The following BPNT1 variants were observed in gnomAD, a reference collection of about 807,000 sequenced individuals.
The protein encoded by BPNT1 is 3'(2'),5'-bisphosphate nucleotidase 1.
BPNT1 carries 28 observed loss-of-function variants against 36.9 expected under a neutral mutation model. The ratio of observed to expected loss-of-function variants is 0.76; its 90% CI spans 0.56 to 1.04. The LOEUF is 1.04. Ranked by LOEUF, BPNT1 falls within the 50% of genes least tolerant of loss-of-function variation. BPNT1 has a pLI of 0.00. For synonymous variants in BPNT1, 119 were observed against 130.9 expected, an observed-to-expected ratio of 0.91 and a Z score of 0.62; for missense variants, 313 against 372.9, an observed-to-expected ratio of 0.84 and a Z score of 1.32.
intron 6 of BPNT1, among the ~76,000 whole-genome samples, chr1:220,064,943 G>A (rs1663404573): frequency 6.6e-6 from 1 of 152,134 alleles, no homozygotes; most frequent in Admixed American, 6.5e-5. Flanking sequence ...GAGTAGCTGG[G>A]ATTATAGGTG....
chr1:220,076,020 ATT>A lies in BPNT1; in HGVS notation c.121-1951_121-1950del, dbSNP rs374769331. Among the ~76,000 whole-genome samples, 77 of 152,246 alleles carry A rather than the reference ATT, an allele frequency of 5.1e-4. 1 individual carries two copies. The highest frequency in any genetic ancestry group is 1.8e-3 in the African/African-American group (73 of 41,548). On this transcript the variant is annotated intron_variant, in intron 2 of 8. Coordinates refer to ENST00000322067, the MANE Select transcript of BPNT1 (RefSeq NM_006085.6). The stretch of plus-strand genomic sequence containing the variant: ...GTGGCATGATGGATGATTTTTGTTT[ATT>A]TTGGCATTTTTCTCCATTTCCTACT...
At chr1:220,074,106 T>C (rs755249048) in intron 2 of BPNT1, 35 bp from the exon 3 acceptor site, 1 of 1,589,160 alleles carries the variant, frequency 6.3e-7, no homozygotes, top group South Asian at 1.1e-5. Context: ...GCAGAGCTAA[T>C]GAAAAATAAG....
intron 1 of BPNT1, among the ~76,000 whole-genome samples, chr1:220,080,999 C>G (rs1383316075): frequency 6.6e-6 from 1 of 152,208 alleles, no homozygotes; most frequent in Non-Finnish European, 1.5e-5. Context: ...GAGTCTCGCT[C>G]TGTCGCCCAG....
At chr1:220,079,260 T>TC (rs1280342439) in intron 2 of BPNT1, among the ~76,000 whole-genome samples, 4 of 151,564 alleles carry the variant, frequency 2.6e-5, no homozygotes, top group Non-Finnish European at 5.9e-5. Context: ...CTTTTTTTTT[T>TC]TTCTTTTTTT....
intron 5 of BPNT1, among the ~76,000 whole-genome samples, chr1:220,068,169 T>C (rs1463568387): frequency 1.3e-5 from 2 of 152,168 alleles, no homozygotes; most frequent in African/African-American, 4.8e-5. Context: ...TTTATCATCA[T>C]CATCATCATT....
Position 220,057,897 on chromosome 1 carries a change from G to A in BPNT1, c.*947C>T. On this transcript the variant is annotated 3_prime_UTR_variant, in exon 9 of 9. Coordinates refer to ENST00000322067, the MANE Select transcript of BPNT1 (RefSeq NM_006085.6). ...TGTGCCCTAAAGAAATCTGGTTTAG[G>A]CCAGGTGCGGTGGCTCACACCTGTA... The A allele has an allele frequency of 2.3e-6, 3 of 1,300,366 alleles. No individual in the cohort carries two copies. Among genetic ancestry groups the A allele is most frequent in the African/African-American group, 1.5e-5 (1 of 65,822 alleles). The allele number at this position is 1,300,366 out of a possible 1,614,324, so 80.6% of individuals were successfully genotyped here. A position where few individuals can be genotyped will look rare whatever the true frequency, so the allele number is the denominator to read the frequency against.
Position 220,057,647 on chromosome 1 carries a change from C to A in BPNT1, c.*1197G>T. The A allele has an allele frequency of 2.9e-6, 1 of 346,582 alleles. No homozygotes were observed. The highest frequency in any genetic ancestry group is 5.7e-6 in the Non-Finnish European group (1 of 174,500). The allele number at this position is 346,582 out of a possible 1,614,324, so 21.5% of individuals were successfully genotyped here. On this transcript the variant is annotated 3_prime_UTR_variant, in exon 9 of 9. Coordinates refer to ENST00000322067, the MANE Select transcript of BPNT1 (RefSeq NM_006085.6). ...CCACAATTAAGCCTTATAATGATGC[C>A]ACAAGAATAAACTAATCCCCAAAGT...
intron 5 of BPNT1, 139 bp downstream of exon 5, chr1:220,069,245 G>T: frequency 1.7e-6 from 1 of 583,456 alleles, no homozygotes; most frequent in Non-Finnish European, 2.8e-6. Context: ...TGATAACCAT[G>T]AGCACAAATA....
At chr1:220,070,185 GAAT>G (rs1182367188) in intron 4 of BPNT1, among the ~76,000 whole-genome samples, 2 of 152,120 alleles carry the variant, frequency 1.3e-5, no homozygotes, top group African/African-American at 4.8e-5. Context: ...AAAGAAAAAT[GAAT>G]AATAAAACTG....
At chr1:220,071,730 C>A (rs1406154551) in intron 4 of BPNT1, among the ~76,000 whole-genome samples, 2 of 152,126 alleles carry the variant, frequency 1.3e-5, no homozygotes, top group African/African-American at 4.8e-5. Flanking sequence ...TCTTGTCACC[C>A]AGACTGGAGT....
intron 1 of BPNT1, among the ~76,000 whole-genome samples, chr1:220,082,448 T>C (rs1001904112): frequency 6.6e-6 from 1 of 151,814 alleles, no homozygotes; most frequent in Non-Finnish European, 1.5e-5. Context: ...CCCAAAGTGC[T>C]GGGATTACAT....
Position 220,069,664 on chromosome 1 carries a change from C to T in BPNT1, c.334-232G>A, listed in dbSNP as rs891029719. On this transcript the variant is annotated intron_variant, in intron 4 of 8. Transcript: ENST00000322067. Reference sequence around the variant, plus strand: ...GATTTAAGAATTTTCAGGCCAAGCACGGTGGCTCACACCTGTAATCCCGCA... The same window carrying T: ...GATTTAAGAATTTTCAGGCCAAGCATGGTGGCTCACACCTGTAATCCCGCA... Among the ~76,000 whole-genome samples, 8 of 152,084 alleles carry T rather than the reference C, an allele frequency of 5.3e-5. No individual in the cohort carries two copies. In the South Asian group the frequency reaches 6.2e-4, roughly 12 times the overall value.
intron 1 of BPNT1, among the ~76,000 whole-genome samples, chr1:220,086,140 A>C (rs986234641): frequency 7.2e-5 from 11 of 152,338 alleles, no homozygotes; most frequent in African/African-American, 2.6e-4. Context: ...ATATGATATA[A>C]AAGTTTGGCT....
intron 8 of BPNT1, 108 bp downstream of exon 8, chr1:220,059,578 G>A (rs1267208069): frequency 1.2e-6 from 1 of 851,994 alleles, no homozygotes; most frequent in East Asian, 2.7e-5. Context: ...CTGCCTTCTA[G>A]CTTTTATATC....
intron 6 of BPNT1, among the ~76,000 whole-genome samples, chr1:220,065,782 T>C (rs1345327813): frequency 7.9e-5 from 12 of 152,226 alleles, no homozygotes; most frequent in Admixed American, 7.9e-4. Flanking sequence ...ATTATGGTGA[T>C]GATGATTATT....
At chr1:220,073,558 C>T (rs971163525) in intron 3 of BPNT1, among the ~76,000 whole-genome samples, 1 of 152,190 alleles carries the variant, frequency 6.6e-6, no homozygotes, top group African/African-American at 2.4e-5. Context: ...TCCCAAAGTG[C>T]TGGTATTACA....
chr1:220,068,332 T>C (rs1185762266), intron 5 of BPNT1, among the ~76,000 whole-genome samples: 1 of 152,004 alleles, frequency 6.6e-6, no homozygotes, highest in East Asian at 2.0e-4. Context: ...TACAGACGTG[T>C]GCCACCAGGC....
intron 6 of BPNT1, among the ~76,000 whole-genome samples, chr1:220,065,865 T>A (rs1663486878): frequency 6.6e-6 from 1 of 152,172 alleles, no homozygotes; most frequent in Admixed American, 6.5e-5. Flanking sequence ...TTTGTGGTAA[T>A]GAATTTTAAG....
intron 1 of BPNT1, among the ~76,000 whole-genome samples, chr1:220,081,645 T>C (rs1288364731): frequency 6.6e-6 from 1 of 152,140 alleles, no homozygotes; most frequent in Non-Finnish European, 1.5e-5. Flanking sequence ...ATTTCCCCAC[T>C]TGCTGAGACA....
Sources: allele counts gnomAD v4.1 joint callset (sites outside exome capture counted in the v4.1 genomes callset), GRCh38; gene constraint gnomAD v4.1.1; transcripts MANE v1.5; gene names NCBI Gene and HGNC (gene_info 2026-07-23, HGNC 2026-07-21).